Variants in KIAA1614 observed in about 807,000 individuals in gnomAD.
KIAA1614 encodes KIAA1614.
A neutral mutation model predicts 88.7 loss-of-function variants in KIAA1614; 76 were observed. That is an observed-to-expected ratio of 0.86 (90% CI 0.71 to 1.04). KIAA1614 has a LOEUF of 1.04. Among genes scored for constraint, KIAA1614 ranks in the 50% least tolerant of loss-of-function variants. KIAA1614 has a pLI of 0.00. For synonymous variants in KIAA1614, 714 were observed against 675.5 expected, an observed-to-expected ratio of 1.06 and a Z score of -0.88; for missense variants, 1,553 against 1,582.5, an observed-to-expected ratio of 0.98 and a Z score of 0.32.
chr1:180,936,752 C>T lies in KIAA1614; in HGVS notation c.2761+82C>T. ...ACGCCCAGACCCAATCCATGACACA[C>T]AGGCCTTCAGAGTCATTCCCTTTTA... On this transcript the variant is annotated intron_variant, in intron 5 of 8. Coordinates refer to ENST00000367588, the MANE Select transcript of KIAA1614 (RefSeq NM_020950.2). The T allele has an allele frequency of 3.4e-6, 3 of 889,098 alleles. No homozygotes were observed. In the South Asian group the frequency reaches 5.5e-5, roughly 16 times the overall value. The allele number at this position is 889,098 out of a possible 1,614,324, so 55.1% of individuals were successfully genotyped here. A position where few individuals can be genotyped will look rare whatever the true frequency, so the allele number is the denominator to read the frequency against.
rs1558076306 is a variant in KIAA1614, at chr1:180,951,089, CG to C, written c.*5502del. ...CATATATGCCAAACCAAAATCAGAACGTGTGGTCTGGCAGGAGTTTTATGCC... is the reference window on the plus strand; with the variant it reads ...CATATATGCCAAACCAAAATCAGAACTGTGGTCTGGCAGGAGTTTTATGCC... On this transcript the variant is annotated 3_prime_UTR_variant, in exon 9 of 9. Transcript: ENST00000367588. 6.6e-6 allele frequency: 1 copy of C among 152,222 alleles called. No homozygotes were observed. The highest frequency in any genetic ancestry group is 2.4e-5 in the African/African-American group (1 of 41,452). 9.4% of individuals were successfully genotyped at this position (152,222 alleles called of 1,614,324 possible). A position where few individuals can be genotyped will look rare whatever the true frequency, so the allele number is the denominator to read the frequency against.
intron 4 of KIAA1614, among the ~76,000 whole-genome samples, chr1:180,930,636 C>T (rs751411926): frequency 2.0e-5 from 3 of 152,226 alleles, no homozygotes; most frequent in Non-Finnish European, 4.4e-5. Context: ...TTCCTCATGT[C>T]ACTCTAGCAG....
chr1:180,914,584 C>G (rs879928971), intron 1 of KIAA1614, among the ~76,000 whole-genome samples: 13 of 152,178 alleles, frequency 8.5e-5, no homozygotes, highest in Non-Finnish European at 1.8e-4. Flanking sequence ...GAGTCTCGCT[C>G]TATCGCCCAG....
Position 180,950,428 on chromosome 1 carries a change from C to CG in KIAA1614, c.*4844dup, listed in dbSNP as rs1654707326. ...TGGGCGATGAGATCCTCGAGGTGAA[C>CG]GGGGCCAAGGTGGCAGGGCTGGGCT... On this transcript the variant is annotated 3_prime_UTR_variant, in exon 9 of 9. Transcript: ENST00000367588. The CG allele has an allele frequency of 8.3e-7, 1 of 1,208,706 alleles. No homozygotes were observed. 74.9% of individuals were successfully genotyped at this position (1,208,706 alleles called of 1,614,324 possible).
chr1:180,931,081 A>T (rs1359265268), intron 4 of KIAA1614, among the ~76,000 whole-genome samples: 1 of 152,228 alleles, frequency 6.6e-6, no homozygotes, highest in Non-Finnish European at 1.5e-5. Flanking sequence ...GGCAAGCCTG[A>T]ACAGACAGGG....
intron 7 of KIAA1614, 103 bp downstream of exon 7, chr1:180,941,388 A>G: frequency 5.1e-6 from 7 of 1,370,098 alleles, no homozygotes; most frequent in South Asian, 1.4e-5. Context: ...ATGCCTCCCA[A>G]GGAGCCCACA....
intron 7 of KIAA1614, among the ~76,000 whole-genome samples, chr1:180,943,566 T>TTTTTTTTTTTTTG (rs1654519507): frequency 6.9e-6 from 1 of 144,394 alleles, no homozygotes; most frequent in Non-Finnish European, 1.5e-5. Flanking sequence ...TTTTTTTTTT[T>TTTTTTTTTTTTTG]GAGACAGGGT....
intron 6 of KIAA1614, among the ~76,000 whole-genome samples, chr1:180,939,395 TCAA>T (rs1273945047): frequency 6.6e-6 from 1 of 152,124 alleles, no homozygotes; most frequent in Non-Finnish European, 1.5e-5. Flanking sequence ...AACAAAAAGC[TCAA>T]CAACTGCTTC....
chr1:180,921,356 A>G (rs1002143559), intron 3 of KIAA1614, among the ~76,000 whole-genome samples: 1 of 152,230 alleles, frequency 6.6e-6, no homozygotes, highest in Non-Finnish European at 1.5e-5. Flanking sequence ...CCAACTGGAC[A>G]TAAAGGTGCA....
chr1:180,934,834 T>C (rs1384169940), intron 4 of KIAA1614, among the ~76,000 whole-genome samples: 9 of 152,138 alleles, frequency 5.9e-5, no homozygotes, highest in Non-Finnish European at 1.0e-4. Context: ...CAATAGTGTT[T>C]CATCTTAACT....
chr1:180,932,401 C>A (rs1571294157), intron 4 of KIAA1614, among the ~76,000 whole-genome samples: 1 of 152,182 alleles, frequency 6.6e-6, no homozygotes, highest in African/African-American at 2.4e-5. Flanking sequence ...ATATATATTT[C>A]ATGACCATGC....
At chr1:180,938,833 C>T in intron 6 of KIAA1614, 122 bp downstream of exon 6, 1 of 864,514 alleles carries the variant, frequency 1.2e-6, no homozygotes, top group South Asian at 1.8e-5. Context: ...TTCAGAGGAT[C>T]CCTAGACTGT....
chr1:180,912,949 C>G lies in KIAA1614; in HGVS notation c.-295C>G, dbSNP rs1653678661. Among the ~76,000 whole-genome samples, 1 of 151,950 alleles carries G rather than the reference C, an allele frequency of 6.6e-6. No homozygotes were observed. Among genetic ancestry groups the G allele is most frequent in the Non-Finnish European group, 1.5e-5 (1 of 67,940 alleles). The stretch of plus-strand genomic sequence containing the variant: ...AACGGACAGCTGATGCCACTTCCTT[C>G]CCTGCCAGCGCCCTCCCTGCCCGAC... On this transcript the variant is annotated 5_prime_UTR_variant, in exon 1 of 9. Transcript: ENST00000367588. The surrounding 1 kb of genome is among the most constrained non-coding windows in gnomAD (Gnocchi z 5.1).
intron 2 of KIAA1614, among the ~76,000 whole-genome samples, chr1:180,917,529 TC>T (rs748474402): frequency 6.6e-6 from 1 of 152,012 alleles, no homozygotes; most frequent in Non-Finnish European, 1.5e-5. Flanking sequence ...TGGGCTGAGC[TC>T]AGACGGTAGC....
At chr1:180,914,446 G>T (rs995014439) in intron 1 of KIAA1614, among the ~76,000 whole-genome samples, 1 of 152,226 alleles carries the variant, frequency 6.6e-6, no homozygotes, top group African/African-American at 2.4e-5. Context: ...GGAATGAGAA[G>T]CTTTGGTTTC....
At chr1:180,918,319 T>A (rs1653867109) in intron 3 of KIAA1614, among the ~76,000 whole-genome samples, 1 of 152,162 alleles carries the variant, frequency 6.6e-6, no homozygotes, top group Admixed American at 6.5e-5. Context: ...GTACAAAGCC[T>A]TACCCCAATT....
intron 1 of KIAA1614, 87 bp from the exon 2 acceptor site, chr1:180,916,067 C>A: frequency 1.1e-6 from 1 of 909,608 alleles, no homozygotes; most frequent in South Asian, 1.9e-5. Flanking sequence ...GGACAGGACT[C>A]AACGCCAAGA....
chr1:180,927,665 C>T (rs138617363), intron 3 of KIAA1614, among the ~76,000 whole-genome samples: 67 of 152,260 alleles, frequency 4.4e-4, no homozygotes, highest in Middle Eastern at 3.4e-3. Flanking sequence ...GCTTTGAAAA[C>T]GGACTGCTGT....
At chr1:180,921,138 AG>A (rs1301426132) in intron 3 of KIAA1614, among the ~76,000 whole-genome samples, 1 of 143,284 alleles carries the variant, frequency 7.0e-6, no homozygotes, top group African/African-American at 2.6e-5. Flanking sequence ...GAAGGGAGAT[AG>A]GGGTGGGGCC....
Sources: gnomAD v4.1 joint callset for allele counts (sites outside exome capture counted in the v4.1 genomes callset) on GRCh38, gnomAD v4.1.1 for gene constraint, Gnocchi (gnomAD v3.1) non-coding constraint, MANE v1.5 for transcripts, NCBI Gene and HGNC (gene_info 2026-07-23, HGNC 2026-07-21) for gene names.